Variants in MEI4 observed in about 807,000 individuals in gnomAD.
MEI4 encodes meiotic double-stranded break formation protein 4, also known as meiosis-specific protein MEI4.
A neutral mutation model predicts 31.4 loss-of-function variants in MEI4; 27 were observed. The observed-to-expected ratio is 0.86, with a 90% confidence interval of 0.63 to 1.19. The LOEUF (loss-of-function observed/expected upper bound fraction) is 1.19, where lower values mean the gene tolerates loss of function less well. Among genes scored for constraint, MEI4 ranks in the 50% most tolerant of loss-of-function variants. MEI4 has a pLI of 0.00. For synonymous variants in MEI4, 122 were observed against 145.4 expected (o/e 0.84, Z 1.16); for missense variants, 329 against 398.9 (o/e 0.82, Z 1.49).
intron 3 of MEI4, among the ~76,000 whole-genome samples, chr6:77,763,497 C>T (rs775288053): frequency 7.9e-5 from 12 of 152,100 alleles, no homozygotes; most frequent in Non-Finnish European, 1.8e-4. Context: ...AGCAATTACC[C>T]GTGCAAGAAA....
chr6:77,816,237 C>T (rs923668621), intron 3 of MEI4, among the ~76,000 whole-genome samples: 1 of 152,024 alleles, frequency 6.6e-6, no homozygotes, highest in African/African-American at 2.4e-5. Flanking sequence ...TTAATTTTAG[C>T]ATAGTTGATT....
intron 3 of MEI4, among the ~76,000 whole-genome samples, chr6:77,765,810 G>A (rs1055983977): frequency 2.0e-5 from 3 of 149,468 alleles, no homozygotes; most frequent in Non-Finnish European, 2.9e-5. Context: ...ATGATAGACT[G>A]GATTAAGAAA....
intron 4 of MEI4, among the ~76,000 whole-genome samples, chr6:77,881,635 A>C (rs568108943): frequency 2.0e-5 from 3 of 152,240 alleles, no homozygotes; most frequent in South Asian, 2.1e-4. Flanking sequence ...TCTGTTGGTT[A>C]TCTCTCTCCC....
In MEI4 at chr6:77,690,745, C is replaced by T. The variant is rs1176339649; in HGVS notation, c.74C>T (p.Ala25Val). ...LALAIIRSKP[A>V]DKSSREYTEH... ...TTGGCAATTATCCGCTCAAAACCAGCAGACAAAAGCAGCAGAGAATACACA... is the reference window on the plus strand; with the variant it reads ...TTGGCAATTATCCGCTCAAAACCAGTAGACAAAAGCAGCAGAGAATACACA... Residue 25 changes from alanine to valine, a missense_variant, in exon 2 of 5, where the codon GCA becomes GTA. By Grantham distance (64) the Ala-to-Val change is moderately conservative (BLOSUM62 0). Transcript: ENST00000684080. 10 of 1,231,502 alleles carry T rather than the reference C, an allele frequency of 8.1e-6. No individual in the cohort carries two copies. The highest frequency in any genetic ancestry group is 9.1e-6 in the Non-Finnish European group (9 of 987,444). The allele number at this position is 1,231,502 out of a possible 1,614,324, so 76.3% of individuals were successfully genotyped here. A position where few individuals can be genotyped will look rare whatever the true frequency, so the allele number is the denominator to read the frequency against.
chr6:77,707,272 A>T (rs913900765), intron 2 of MEI4, among the ~76,000 whole-genome samples: 1 of 152,200 alleles, frequency 6.6e-6, no homozygotes, highest in African/African-American at 2.4e-5. Flanking sequence ...CATTGTGTTC[A>T]TGCCCTACGG....
chr6:77,865,430 A>G (rs1469515865), intron 4 of MEI4, among the ~76,000 whole-genome samples: 5 of 152,224 alleles, frequency 3.3e-5, no homozygotes, highest in African/African-American at 1.2e-4. Flanking sequence ...TCAAACTACC[A>G]TCAGAGAATA....
At chr6:77,753,406 G>GA (rs556829288) in intron 2 of MEI4, among the ~76,000 whole-genome samples, 2,497 of 149,000 alleles carry the variant, frequency 0.017, 32 homozygotes, top group Non-Finnish European at 0.024. Context: ...AAATTTACAA[G>GA]AAAAAAAAAC....
intron 2 of MEI4, among the ~76,000 whole-genome samples, chr6:77,698,538 G>A (rs6937482): frequency 0.019 from 2,881 of 152,242 alleles, 64 homozygotes; most frequent in East Asian, 0.088. Context: ...ACTTAGTTTG[G>A]CTGGATGTGA....
chr6:77,877,079 A>G (rs1479753097), intron 4 of MEI4, among the ~76,000 whole-genome samples: 1 of 152,158 alleles, frequency 6.6e-6, no homozygotes, highest in Non-Finnish European at 1.5e-5. Context: ...CATTTAAGAA[A>G]AAATGGAGTT....
intron 2 of MEI4, among the ~76,000 whole-genome samples, chr6:77,743,312 A>G (rs1243365686): frequency 2.0e-5 from 3 of 152,072 alleles, no homozygotes; most frequent in African/African-American, 7.2e-5. Flanking sequence ...AGTGGTTTGT[A>G]GTTCTCCTTG....
chr6:77,914,144 T>C (rs541451063), intron 4 of MEI4, among the ~76,000 whole-genome samples: 2 of 152,010 alleles, frequency 1.3e-5, no homozygotes, highest in African/African-American at 4.8e-5. Context: ...AAGGGTGAAT[T>C]TGGTTTATTC....
chr6:77,807,835 A>G (rs1769477450), intron 3 of MEI4, among the ~76,000 whole-genome samples: 1 of 152,158 alleles, frequency 6.6e-6, no homozygotes, highest in South Asian at 2.1e-4. Flanking sequence ...GTGAACACCA[A>G]AGGCTGCAGA....
chr6:77,714,120 TTATC>T (rs1429583515), intron 2 of MEI4, among the ~76,000 whole-genome samples: 1 of 152,156 alleles, frequency 6.6e-6, no homozygotes, highest in Non-Finnish European at 1.5e-5. Flanking sequence ...CACATTTTCT[TTATC>T]TAGTTTATAA....
At chr6:77,802,056 T>C (rs2127700915) in intron 3 of MEI4, among the ~76,000 whole-genome samples, 2 of 152,304 alleles carry the variant, frequency 1.3e-5, no homozygotes, top group Middle Eastern at 3.4e-3. Context: ...ATCTGTCTAA[T>C]GTTGACAGTG....
intron 2 of MEI4, among the ~76,000 whole-genome samples, chr6:77,729,660 C>A (rs1448603966): frequency 2.6e-5 from 4 of 152,018 alleles, no homozygotes; most frequent in African/African-American, 9.7e-5. Flanking sequence ...ATTAATCACC[C>A]CCTTTTTATT....
At chr6:77,906,131 T>C (rs1766291664) in intron 4 of MEI4, among the ~76,000 whole-genome samples, 1 of 152,184 alleles carries the variant, frequency 6.6e-6, no homozygotes, top group Non-Finnish European at 1.5e-5. Context: ...TGTGCTGAGC[T>C]TCCTTAAAAT....
Position 77,923,132 on chromosome 6 carries a change from A to AG in MEI4, c.944_945insG (p.Tyr315Ter). The AG allele has an allele frequency of 8.1e-7, 1 of 1,230,496 alleles. No individual in the cohort carries two copies. Among genetic ancestry groups the AG allele is most frequent in the Non-Finnish European group, 1.0e-6 (1 of 986,794 alleles). The allele number at this position is 1,230,496 out of a possible 1,614,324, so 76.2% of individuals were successfully genotyped here. A position where few individuals can be genotyped will look rare whatever the true frequency, so the allele number is the denominator to read the frequency against. ...GTGTCACGCTATGAAAACATTTTCT[A>AG]CCTGTTCTGGGTTCTGGAGCAGCTT... ...YDVSRYENIF[Y>*]LFWVLEQLLQ... The change falls in exon 5 of 5, where the codon TAC (tyrosine) becomes TAGC (stop). Residue 315 changes from tyrosine (Y) to a stop codon, truncating the protein, a stop_gained and frameshift_variant. Transcript: ENST00000684080. LOFTEE classifies it high-confidence loss of function.
intron 3 of MEI4, among the ~76,000 whole-genome samples, chr6:77,765,977 C>T (rs1292273798): frequency 6.6e-6 from 1 of 152,108 alleles, no homozygotes; most frequent in African/African-American, 2.4e-5. Context: ...GGGAATTGAA[C>T]AATAAGAACA....
chr6:77,673,605 C>T (rs901152169), intron 1 of MEI4, among the ~76,000 whole-genome samples: 3 of 152,002 alleles, frequency 2.0e-5, no homozygotes, highest in African/African-American at 7.3e-5. Context: ...TGACATAGCC[C>T]CTGACCCTCA....
Sources: allele counts gnomAD v4.1 joint callset (sites outside exome capture counted in the v4.1 genomes callset), GRCh38; gene constraint gnomAD v4.1.1; transcripts MANE v1.5; gene names NCBI Gene and HGNC (gene_info 2026-07-23, HGNC 2026-07-21).